MITF: variants seen among roughly 807,000 people sequenced by gnomAD.
The protein encoded by MITF is microphthalmia-associated transcription factor.
MITF carries 17 observed loss-of-function variants against 60.5 expected under a neutral mutation model. The ratio of observed to expected loss-of-function variants is 0.28; its 90% confidence interval spans 0.19 to 0.42. The LOEUF (loss-of-function observed/expected upper bound fraction) is 0.42, where lower values mean the gene tolerates loss of function less well. Ranked by LOEUF, MITF falls within the 10% of genes least tolerant of loss-of-function variation. The pLI, the probability that MITF is intolerant of heterozygous loss-of-function variation, is 1.00. For missense variants in MITF, 622 were observed against 683.5 expected, an observed-to-expected ratio of 0.91 and a Z score of 1.00; for synonymous variants, 260 against 248.5, an observed-to-expected ratio of 1.05 and a Z score of -0.43.
intron 1 of MITF, among the ~76,000 whole-genome samples, chr3:69,860,597 C>CAAAA (rs1039213953): frequency 6.6e-5 from 4 of 60,744 alleles, no homozygotes; most frequent in South Asian, 7.0e-4. Flanking sequence ...GACTCCGTCT[C>CAAAA]AAAAAAAAAA....
chr3:69,892,063 G>A (rs756182459), intron 2 of MITF, among the ~76,000 whole-genome samples: 1 of 152,144 alleles, frequency 6.6e-6, no homozygotes, highest in Non-Finnish European at 1.5e-5. Context: ...AATTAAATAT[G>A]TATGTCACAT....
chr3:69,903,475 A>C (rs2065035183), intron 2 of MITF, among the ~76,000 whole-genome samples: 1 of 152,068 alleles, frequency 6.6e-6, no homozygotes, highest in African/African-American at 2.4e-5. Context: ...TGTAGGTAAG[A>C]GAGTGTGGAC....
intron 1 of MITF, among the ~76,000 whole-genome samples, chr3:69,807,602 C>T (rs79502300): frequency 0.15 from 22,576 of 152,170 alleles, 1,840 homozygotes; most frequent in South Asian, 0.19. Flanking sequence ...AACATGCATA[C>T]GAATATCACT....
At chr3:69,814,858 T>C (rs933943508) in intron 1 of MITF, among the ~76,000 whole-genome samples, 3 of 152,158 alleles carry the variant, frequency 2.0e-5, no homozygotes, top group African/African-American at 7.2e-5. Context: ...GAAAGCTCAC[T>C]GGCACTTTGA....
chr3:69,892,427 T>C (rs1162414937), intron 2 of MITF, among the ~76,000 whole-genome samples: 1 of 152,214 alleles, frequency 6.6e-6, no homozygotes, highest in Non-Finnish European at 1.5e-5. Flanking sequence ...GGAACCTAGA[T>C]TGACATATCA....
chr3:69,824,383 T>C (rs963606656), intron 1 of MITF, among the ~76,000 whole-genome samples: 11 of 152,176 alleles, frequency 7.2e-5, no homozygotes, highest in African/African-American at 2.4e-4. Flanking sequence ...TTAGAACTTA[T>C]TGCAATTGCT....
At chr3:69,805,466 G>GTT (rs5849922) in intron 1 of MITF, among the ~76,000 whole-genome samples, 5 of 151,480 alleles carry the variant, frequency 3.3e-5, no homozygotes, top group African/African-American at 7.3e-5. Flanking sequence ...GGTTTCTTGG[G>GTT]TTTTTTTGCA....
At chr3:69,777,922 G>A (rs778145943) in intron 1 of MITF, among the ~76,000 whole-genome samples, 10 of 152,170 alleles carry the variant, frequency 6.6e-5, no homozygotes, top group Non-Finnish European at 1.2e-4. Flanking sequence ...TTAAGTGGGA[G>A]GGAGGGCATT....
At chr3:69,824,570 C>T (rs62252173) in intron 1 of MITF, among the ~76,000 whole-genome samples, 31,951 of 152,110 alleles carry the variant, frequency 0.21, 4,603 homozygotes, top group Non-Finnish European at 0.3. Context: ...TTAAATCTGG[C>T]GTGCATTCTC....
intron 8 of MITF, among the ~76,000 whole-genome samples, 157 bp from the exon 9 acceptor site, chr3:69,959,116 A>G (rs2066474656): frequency 6.6e-6 from 1 of 152,020 alleles, no homozygotes; most frequent in African/African-American, 2.4e-5. Flanking sequence ...ACCACTAAAG[A>G]ACTTATCCAT....
chr3:69,748,438 G>A (rs993683278), intron 1 of MITF, among the ~76,000 whole-genome samples: 1 of 151,922 alleles, frequency 6.6e-6, no homozygotes, highest in African/African-American at 2.4e-5. Context: ...GTGGGGTTTC[G>A]CCATGTTGGC....
intron 1 of MITF, among the ~76,000 whole-genome samples, chr3:69,744,137 T>A (rs886654751): frequency 6.6e-6 from 1 of 152,184 alleles, no homozygotes; most frequent in Non-Finnish European, 1.5e-5. Context: ...TTTTAAAGGT[T>A]TGGGTGAAAT....
chr3:69,819,414 A>G (rs896661033), intron 1 of MITF, among the ~76,000 whole-genome samples: 1 of 152,182 alleles, frequency 6.6e-6, no homozygotes, highest in Non-Finnish European at 1.5e-5. Context: ...CTGTGGTTGC[A>G]TGTCTGGTTC....
At chr3:69,760,340 G>A (rs1212630884) in intron 1 of MITF, among the ~76,000 whole-genome samples, 3 of 152,096 alleles carry the variant, frequency 2.0e-5, no homozygotes, top group Non-Finnish European at 4.4e-5. Flanking sequence ...AGCCTGGGAG[G>A]GTTCTTGGCA....
chr3:69,936,470 C>A (rs2107473504), intron 2 of MITF: 1 of 659,456 alleles, frequency 1.5e-6, no homozygotes. Flanking sequence ...AAATTGATAT[C>A]AACATTTAAG....
chr3:69,852,983 A>G (rs1472816351), intron 1 of MITF, among the ~76,000 whole-genome samples: 2 of 152,200 alleles, frequency 1.3e-5, no homozygotes, highest in Admixed American at 6.5e-5. Context: ...AATCATTACA[A>G]TAGATAAGTC....
chr3:69,929,482 C>T (rs952098362), intron 2 of MITF, among the ~76,000 whole-genome samples: 9 of 152,040 alleles, frequency 5.9e-5, no homozygotes, highest in African/African-American at 2.2e-4. Context: ...GAACACCATA[C>T]CCAGAGATTC....
intron 2 of MITF, among the ~76,000 whole-genome samples, chr3:69,915,847 T>A (rs992968815): frequency 6.6e-6 from 1 of 152,130 alleles, no homozygotes; most frequent in Non-Finnish European, 1.5e-5. Flanking sequence ...TTCCTTTTCC[T>A]TATCCTTTAT....
At chr3:69,894,553 G>A (rs1317065909) in intron 2 of MITF, among the ~76,000 whole-genome samples, 1 of 151,858 alleles carries the variant, frequency 6.6e-6, no homozygotes, top group Non-Finnish European at 1.5e-5. Context: ...AGGCTTGGTG[G>A]CGGGCACCTG....
Sources: allele counts gnomAD v4.1 joint callset (sites outside exome capture counted in the v4.1 genomes callset), GRCh38; gene constraint gnomAD v4.1.1; transcripts MANE v1.5; gene names NCBI Gene and HGNC (gene_info 2026-07-23, HGNC 2026-07-21).